The following CELF1 variants were observed in gnomAD, a reference collection of about 807,000 sequenced individuals.
The protein encoded by CELF1 is 50 kDa nuclear polyadenylated RNA-binding protein.
In CELF1, 10 loss-of-function variants were observed where a neutral mutation model predicts 61.8. The ratio of observed to expected loss-of-function variants is 0.16; its 90% CI spans 0.10 to 0.27. The LOEUF (loss-of-function observed/expected upper bound fraction) is 0.27, where lower values mean the gene tolerates loss of function less well. CELF1 is among the 10% of genes least tolerant of loss of function. CELF1 has a pLI of 1.00. For missense variants in CELF1, 380 were observed against 639.1 expected (o/e 0.59, Z 4.37); for synonymous variants, 236 against 225.1 (o/e 1.05, Z -0.43).
At chr11:47,523,146 T>C (rs143356230) in intron 1 of CELF1, 119 of 151,778 alleles carry the variant, frequency 7.8e-4, no homozygotes, top group African/African-American at 2.8e-3. Flanking sequence ...ACTGGAAAAA[T>C]ATAAACTAAT....
intron 1 of CELF1, among the ~76,000 whole-genome samples, chr11:47,543,294 G>A (rs1205657315): frequency 6.6e-6 from 1 of 152,080 alleles, no homozygotes; most frequent in Non-Finnish European, 1.5e-5. Flanking sequence ...CCGGCTACTT[G>A]GGAGGCTGAG....
At chr11:47,560,092 G>C (rs568031728) in intron 2 of CELF1, among the ~76,000 whole-genome samples, 1 of 152,076 alleles carries the variant, frequency 6.6e-6, no homozygotes, top group African/African-American at 2.4e-5. Context: ...TAGAGCTCAG[G>C]AGTTCAAGAG....
chr11:47,553,822 T>A (rs1475385950), upstream of CELF1, among the ~76,000 whole-genome samples: 2 of 150,858 alleles, frequency 1.3e-5, no homozygotes, highest in Non-Finnish European at 3.0e-5. Context: ...ATATATATTT[T>A]TTTTTCTTAA....
chr11:47,481,864 C>T (rs534325083), intron 9 of CELF1, among the ~76,000 whole-genome samples: 3 of 152,302 alleles, frequency 2.0e-5, no homozygotes, highest in Non-Finnish European at 4.4e-5. Context: ...ATGTAGTAAA[C>T]TTGAATATAC....
At chr11:47,486,639 C>A in intron 6 of CELF1, 111 bp downstream of exon 6, 1 of 843,324 alleles carries the variant, frequency 1.2e-6, no homozygotes, top group South Asian at 1.4e-5. Context: ...GAACTCCGGC[C>A]TCAAGCAATC....
intron 1 of CELF1, among the ~76,000 whole-genome samples, chr11:47,515,194 TTAAG>T (rs1158345000): frequency 6.6e-6 from 1 of 152,228 alleles, no homozygotes; most frequent in East Asian, 1.9e-4. Flanking sequence ...CACACCAGTG[TTAAG>T]TATTTGCCTG....
chr11:47,480,606 C>G (rs1379795808), intron 9 of CELF1, among the ~76,000 whole-genome samples: 1 of 152,132 alleles, frequency 6.6e-6, no homozygotes, highest in African/African-American at 2.4e-5. Flanking sequence ...AAGGGGGGCT[C>G]CAAAAGTCTC....
At chr11:47,540,160 C>T (rs2096737982) in intron 1 of CELF1, among the ~76,000 whole-genome samples, 1 of 152,128 alleles carries the variant, frequency 6.6e-6, no homozygotes, top group Non-Finnish European at 1.5e-5. Context: ...AGTTTCCATC[C>T]TCAAAAAGCT....
rs947484726 is a variant in CELF1, at chr11:47,466,219, A to G, written c.*6011T>C. 2 of 152,200 alleles carry G rather than the reference A, an allele frequency of 1.3e-5. No homozygotes were observed. Among genetic ancestry groups the G allele is most frequent in the African/African-American group, 2.4e-5 (1 of 41,460 alleles). The allele number at this position is 152,200 out of a possible 1,614,324, so 9.4% of individuals were successfully genotyped here. Reference sequence around the variant, plus strand: ...TCTCCTTGCCTTTTTTTAAACCATTAAAGTAAAATCCATAATTTTCTACAG... The same window carrying G: ...TCTCCTTGCCTTTTTTTAAACCATTGAAGTAAAATCCATAATTTTCTACAG... On this transcript the variant is annotated 3_prime_UTR_variant, in exon 15 of 15. Transcript: ENST00000687097.
At chr11:47,523,146 TATAAACTA>T in intron 1 of CELF1, 1 of 151,660 alleles carries the variant, frequency 6.6e-6, no homozygotes, top group Non-Finnish European at 1.5e-5. Context: ...ACTGGAAAAA[TATAAACTA>T]ATAAAATGAG....
intron 2 of CELF1, chr11:47,499,905 C>T (rs1473147696): frequency 2.3e-5 from 4 of 170,862 alleles, no homozygotes; most frequent in Non-Finnish European, 2.5e-5. Flanking sequence ...GTTTCACATC[C>T]TCCAAACTCC....
At chr11:47,531,567 T>TCAAA (rs112404433) in intron 1 of CELF1, among the ~76,000 whole-genome samples, 143,289 of 151,050 alleles carry the variant, frequency 0.95, 68,087 homozygotes, top group East Asian at 1. Flanking sequence ...AGACTCCATC[T>TCAAA]CAAACAAACA....
chr11:47,469,624 C>G lies in CELF1; in HGVS notation c.*2606G>C, dbSNP rs2077252859. On this transcript the variant is annotated 3_prime_UTR_variant, in exon 15 of 15. Coordinates refer to ENST00000687097, the MANE Select transcript of CELF1 (RefSeq NM_001376376.1). ...GAAAGAACTGTGCTCAAGGGCAGTG[C>G]TACTGCTGTGCTAACTCACTGGGCA... 6.6e-6 allele frequency: 1 copy of G among 152,380 alleles called. No homozygotes were observed. Among genetic ancestry groups the G allele is most frequent in the Non-Finnish European group, 1.5e-5 (1 of 68,164 alleles). The allele number at this position is 152,380 out of a possible 1,614,324, so 9.4% of individuals were successfully genotyped here. A position where few individuals can be genotyped will look rare whatever the true frequency, so the allele number is the denominator to read the frequency against.
chr11:47,485,568 ACTGT>A (rs1015980797), intron 6 of CELF1, among the ~76,000 whole-genome samples: 4 of 150,054 alleles, frequency 2.7e-5, no homozygotes, highest in African/African-American at 9.8e-5. Context: ...AGTGAATGTA[ACTGT>A]CTACTTTTCT....
At chr11:47,527,524 G>A (rs1344978110) in intron 1 of CELF1, among the ~76,000 whole-genome samples, 1 of 151,974 alleles carries the variant, frequency 6.6e-6, no homozygotes, top group East Asian at 1.9e-4. Context: ...AGGAGTTCAA[G>A]TACACCCTGG....
At chr11:47,533,635 A>ATACATACATACATAC (rs1598183916) in intron 1 of CELF1, among the ~76,000 whole-genome samples, 4 of 148,744 alleles carry the variant, frequency 2.7e-5, no homozygotes, top group African/African-American at 5.0e-5. Flanking sequence ...AAAATAAATA[A>ATACATACATACATAC]ATACATACAT....
intron 1 of CELF1, among the ~76,000 whole-genome samples, chr11:47,550,680 G>C (rs2097115477): frequency 6.6e-6 from 1 of 151,720 alleles, no homozygotes. Flanking sequence ...TTCATTTTTT[G>C]ACTTACCTGT....
At chr11:47,510,792 C>G (rs2095074390) in intron 1 of CELF1, among the ~76,000 whole-genome samples, 2 of 152,104 alleles carry the variant, frequency 1.3e-5, no homozygotes, top group Non-Finnish European at 2.9e-5. Flanking sequence ...CTGGCCAACT[C>G]ACTCTTAACT....
At chr11:47,473,506 C>A (rs992064246) in intron 13 of CELF1, among the ~76,000 whole-genome samples, 2 of 152,102 alleles carry the variant, frequency 1.3e-5, no homozygotes, top group Admixed American at 1.3e-4. Context: ...ATAAAGCAGG[C>A]CGACTTGTGT....
Sources: allele counts gnomAD v4.1 joint callset (sites outside exome capture counted in the v4.1 genomes callset), GRCh38; gene constraint gnomAD v4.1.1; transcripts MANE v1.5; gene names NCBI Gene and HGNC (gene_info 2026-07-23, HGNC 2026-07-21).